KLC1: variants seen among roughly 807,000 people sequenced by gnomAD.
KLC1 encodes the protein kinesin light chain 1.
KLC1 carries 30 observed loss-of-function variants against 84.2 expected under a neutral mutation model. That is an observed-to-expected ratio of 0.36 (90% CI 0.27 to 0.48). The LOEUF is 0.48. Among genes scored for constraint, KLC1 ranks in the 20% least tolerant of loss-of-function variants. The probability of loss-of-function intolerance (pLI) is 0.99; values close to 1 mark genes in which losing one functional copy is unlikely to be tolerated. For synonymous variants in KLC1, 289 were observed against 293.3 expected, an observed-to-expected ratio of 0.99 and a Z score of 0.15; for missense variants, 499 against 805.4, an observed-to-expected ratio of 0.62 and a Z score of 4.60.
At position 103,654,108 on chromosome 14, in the gene KLC1, TC is replaced by T. The variant is rs546795090; in HGVS notation, c.-1-454del. ...GCTCCTCCCCTGCTGCTCTTCCTGT[TC>T]CATGTTCTTTGGCTGGTTTTTCTTT... On this transcript the variant is annotated intron_variant, in intron 1 of 16. Coordinates refer to ENST00000334553, the MANE Select transcript of KLC1 (RefSeq NM_001394837.1). 4.7e-4 allele frequency among the ~76,000 whole-genome samples: 71 copies of T among 152,358 alleles called. 2 individuals carry two copies. The highest frequency in any genetic ancestry group is 1.5e-3 in the African/African-American group (62 of 41,590).
At position 103,637,841 on chromosome 14, in the gene KLC1, T is replaced by C. The variant is rs1038958965; in HGVS notation, c.-2+8347T>C. Among the ~76,000 whole-genome samples the C allele has an allele frequency of 4.6e-5, 7 of 152,108 alleles. 1 individual carries two copies. In the South Asian group the frequency reaches 1.4e-3, roughly 31 times the overall value. ...AGCCCCTGAAGTAGCTGGGACTACATGTGCGCACCACCATGACCGGCTTGT... is the reference window on the plus strand; with the variant it reads ...AGCCCCTGAAGTAGCTGGGACTACACGTGCGCACCACCATGACCGGCTTGT... On this transcript the variant is annotated intron_variant, in intron 1 of 16. Transcript: ENST00000334553.
intron 1 of KLC1, among the ~76,000 whole-genome samples, chr14:103,651,098 C>T (rs560303870): frequency 6.6e-6 from 1 of 152,088 alleles, no homozygotes; most frequent in African/African-American, 2.4e-5. Flanking sequence ...CAACCTCCAC[C>T]TCCTGAGTTC....
At chr14:103,641,704 C>T (rs1244758718) in intron 1 of KLC1, among the ~76,000 whole-genome samples, 1 of 151,852 alleles carries the variant, frequency 6.6e-6, no homozygotes, top group Non-Finnish European at 1.5e-5. Context: ...GCACTTCATC[C>T]TCCCACCTCC....
At chr14:103,661,944 C>T (rs1315375078) in intron 3 of KLC1, among the ~76,000 whole-genome samples, 172 bp from the exon 4 acceptor site, 1 of 152,212 alleles carries the variant, frequency 6.6e-6, no homozygotes, top group Non-Finnish European at 1.5e-5. Flanking sequence ...CTTTTCATTA[C>T]TCCTGTTCAA....
At chr14:103,661,821 C>G (rs894914897) in intron 3 of KLC1, among the ~76,000 whole-genome samples, 1 of 152,120 alleles carries the variant, frequency 6.6e-6, no homozygotes, top group East Asian at 1.9e-4. Context: ...TTTCCCTGCT[C>G]TCCTAGACCT....
Position 103,694,060 on chromosome 14 carries a change from T to A in KLC1, c.1848+1635T>A, listed in dbSNP as rs1340578813. ...TTTCAGAACGATAGGCATTTAGTGA[T>A]CTATGGCAGTAAAGCCTGAAGCTTA... On this transcript the variant is annotated intron_variant, in intron 15 of 16. Coordinates refer to ENST00000334553, the MANE Select transcript of KLC1 (RefSeq NM_001394837.1). The surrounding 1 kb of genome is among the most constrained non-coding windows in gnomAD (Gnocchi z 4.5). 3.0e-6 allele frequency: 3 copies of A among 989,566 alleles called. No homozygotes were observed. The highest frequency in any genetic ancestry group is 1.2e-4 in the Admixed American group (2 of 16,944). 61.3% of individuals were successfully genotyped at this position (989,566 alleles called of 1,614,324 possible).
chr14:103,670,302 G>T lies in KLC1; in HGVS notation c.987+19G>T, dbSNP rs113502597. On this transcript the variant is annotated intron_variant, in intron 7 of 16. Coordinates refer to ENST00000334553, the MANE Select transcript of KLC1 (RefSeq NM_001394837.1). ...AGAAAAGGTACAAAAGAAGGGGGCA[G>T]TCGTTTTCTTTGAGATTTTTGTTTT... The T allele has an allele frequency of 1.3e-6, 2 of 1,543,284 alleles. No individual in the cohort carries two copies. The highest frequency in any genetic ancestry group is 1.8e-5 in the Admixed American group (1 of 54,218).
At chr14:103,632,930 T>G (rs761542405) in intron 1 of KLC1, among the ~76,000 whole-genome samples, 1 of 151,970 alleles carries the variant, frequency 6.6e-6, no homozygotes, top group African/African-American at 2.4e-5. Context: ...ATCCTGAGGT[T>G]GTGCTGCTGT....
At chr14:103,675,842 A>G (rs962346748) in intron 11 of KLC1, 86 bp downstream of exon 11, 49 of 1,079,210 alleles carry the variant, frequency 4.5e-5, no homozygotes, top group Non-Finnish European at 1.3e-5. Flanking sequence ...TAAATGACCA[A>G]TGTGTAGTGT....
intron 13 of KLC1, among the ~76,000 whole-genome samples, chr14:103,680,608 T>G (rs980699159): frequency 1.1e-4 from 16 of 152,200 alleles, no homozygotes; most frequent in African/African-American, 3.9e-4. Flanking sequence ...CTTTCTTGCT[T>G]TGGTTTTTCT....
intron 1 of KLC1, among the ~76,000 whole-genome samples, chr14:103,652,619 G>A (rs954907367): frequency 6.6e-6 from 1 of 152,114 alleles, no homozygotes; most frequent in African/African-American, 2.4e-5. Flanking sequence ...AGCCTCCTGA[G>A]TAGCTGGGAG....
At chr14:103,629,775 A>C (rs570095258) in intron 1 of KLC1, among the ~76,000 whole-genome samples, 1,587 of 150,832 alleles carry the variant, frequency 0.011, 19 homozygotes, top group Middle Eastern at 0.035. Context: ...TCCGCGTCCC[A>C]CTGCAGGTTC....
intron 7 of KLC1, among the ~76,000 whole-genome samples, chr14:103,670,929 A>AAAAAAG (rs1555423096): frequency 6.6e-6 from 1 of 151,910 alleles, no homozygotes; most frequent in African/African-American, 2.4e-5. Flanking sequence ...AAAGAAAAAA[A>AAAAAAG]AAAGAAAAGA....
intron 15 of KLC1, among the ~76,000 whole-genome samples, chr14:103,692,912 G>T (rs1270793991): frequency 6.6e-6 from 1 of 152,184 alleles, no homozygotes; most frequent in Non-Finnish European, 1.5e-5. Flanking sequence ...AGTTGCTCGG[G>T]CCTCACACAG....
In KLC1 at chr14:103,667,668, G is replaced by A. The variant is rs1345882685; in HGVS notation, c.798-1843G>A. ...TTTGGAACTCTATTTTGTACTTGCTGACTTTCACAAAAAGTTTGAGGCAGC... is the reference window on the plus strand; with the variant it reads ...TTTGGAACTCTATTTTGTACTTGCTAACTTTCACAAAAAGTTTGAGGCAGC... On this transcript the variant is annotated intron_variant, in intron 5 of 16. Coordinates refer to ENST00000334553, the MANE Select transcript of KLC1 (RefSeq NM_001394837.1). 2.0e-5 allele frequency among the ~76,000 whole-genome samples: 3 copies of A among 152,202 alleles called. No homozygotes were observed. The East Asian group carries it at 5.8e-4, about 29-fold the overall frequency.
intron 13 of KLC1, chr14:103,685,000 G>A (rs1188022465): frequency 1.2e-5 from 14 of 1,193,258 alleles, no homozygotes; most frequent in African/African-American, 6.0e-5. Context: ...GGAAAATGAA[G>A]CTCGGGCTGG....
chr14:103,632,569 A>C (rs369235980), intron 1 of KLC1, among the ~76,000 whole-genome samples: 9 of 151,998 alleles, frequency 5.9e-5, no homozygotes, highest in East Asian at 1.9e-4. Flanking sequence ...TACAAAAAAA[A>C]CCAAAACCGG....
intron 1 of KLC1, among the ~76,000 whole-genome samples, chr14:103,637,751 G>T (rs1176603693): frequency 6.6e-6 from 1 of 151,954 alleles, no homozygotes; most frequent in African/African-American, 2.4e-5. Flanking sequence ...CTGTTGCCTA[G>T]GTTGGAGTGC....
intron 3 of KLC1, among the ~76,000 whole-genome samples, chr14:103,660,415 A>G (rs1400770048): frequency 3.3e-5 from 5 of 150,476 alleles, no homozygotes; most frequent in African/African-American, 1.2e-4. Flanking sequence ...CAGGAGATGG[A>G]GGTTGCAGTG....
Sources: allele counts gnomAD v4.1 joint callset (sites outside exome capture counted in the v4.1 genomes callset), GRCh38; gene constraint gnomAD v4.1.1; non-coding constraint Gnocchi (gnomAD v3.1); transcripts MANE v1.5; gene names NCBI Gene and HGNC (gene_info 2026-07-23, HGNC 2026-07-21).